HELQ: variants seen among roughly 807,000 people sequenced by gnomAD.
HELQ encodes the protein helicase POLQ-like.
Under a neutral mutation model 111.6 loss-of-function variants are expected in HELQ, and 77 were observed. That is an observed-to-expected ratio of 0.69 (90% CI 0.57 to 0.83). The LOEUF is 0.83. Ranked by LOEUF, HELQ falls within the 40% of genes least tolerant of loss-of-function variation. The probability of loss-of-function intolerance (pLI) is 0.00; values close to 1 mark genes in which losing one functional copy is unlikely to be tolerated. For missense variants in HELQ, 1,200 were observed against 1,288.5 expected, an observed-to-expected ratio of 0.93 and a Z score of 1.05; for synonymous variants, 438 against 454.7, an observed-to-expected ratio of 0.96 and a Z score of 0.47.
chr4:83,423,763 T>G (rs114628506), intron 14 of HELQ, among the ~76,000 whole-genome samples: 4,250 of 152,026 alleles, frequency 0.028, 190 homozygotes, highest in African/African-American at 0.097. Context: ...ATACAAAAAT[T>G]AGCTGTATAT....
At chr4:83,455,256 A>T in intron 1 of HELQ, 141 bp downstream of exon 1, 1 of 1,487,588 alleles carries the variant, frequency 6.7e-7, no homozygotes, top group Non-Finnish European at 9.0e-7. Context: ...GTAAATAACA[A>T]GGCAATCAAT....
At chr4:83,436,518 T>C (rs1169149729) in intron 9 of HELQ, among the ~76,000 whole-genome samples, 3 of 152,174 alleles carry the variant, frequency 2.0e-5, no homozygotes, top group African/African-American at 7.2e-5. Flanking sequence ...AGGAAATCTC[T>C]ATGTTAAATA....
chr4:83,446,397 C>G (rs1217233246), intron 4 of HELQ, among the ~76,000 whole-genome samples: 1 of 152,174 alleles, frequency 6.6e-6, no homozygotes, highest in Non-Finnish European at 1.5e-5. Flanking sequence ...ACCTCCACCT[C>G]CTGGGTTACA....
intron 17 of HELQ, among the ~76,000 whole-genome samples, chr4:83,411,157 CAAAAA>C (rs35424076): frequency 1.5e-5 from 1 of 67,144 alleles, no homozygotes. Context: ...GACCTTGTCT[CAAAAA>C]AAAAAAAAAA....
chr4:83,446,314 A>AT (rs35146359), intron 4 of HELQ, among the ~76,000 whole-genome samples: 1 of 151,270 alleles, frequency 6.6e-6, no homozygotes, highest in Non-Finnish European at 1.5e-5. Context: ...TACTAAAAAA[A>AT]TTTTTTTTTT....
chr4:83,425,605 A>G (rs1400375354), intron 14 of HELQ, among the ~76,000 whole-genome samples: 1 of 152,168 alleles, frequency 6.6e-6, no homozygotes, highest in Non-Finnish European at 1.5e-5. Context: ...GAGTTCTTTG[A>G]GGATGACAAA....
intron 2 of HELQ, among the ~76,000 whole-genome samples, chr4:83,450,513 A>T (rs939566690): frequency 6.6e-6 from 1 of 152,088 alleles, no homozygotes; most frequent in African/African-American, 2.4e-5. Flanking sequence ...TTCAATAAAT[A>T]TTGAAAAATA....
intron 9 of HELQ, among the ~76,000 whole-genome samples, chr4:83,436,614 T>C (rs1720473387): frequency 6.6e-6 from 1 of 152,128 alleles, no homozygotes; most frequent in South Asian, 2.1e-4. Flanking sequence ...CAAAACCAGA[T>C]ATAAAGAGCA....
chr4:83,433,574 G>A (rs1398767400), intron 9 of HELQ, among the ~76,000 whole-genome samples: 1 of 151,190 alleles, frequency 6.6e-6, no homozygotes, highest in African/African-American at 2.4e-5. Context: ...GCTGAGGCAG[G>A]AGACTGGTGT....
At chr4:83,443,408 T>C (rs966479312) in intron 6 of HELQ, 109 bp downstream of exon 6, 2 of 522,044 alleles carry the variant, frequency 3.8e-6, no homozygotes, top group East Asian at 3.1e-5. Context: ...GAGTAAAATA[T>C]GCCCCTTCAC....
intron 8 of HELQ, among the ~76,000 whole-genome samples, chr4:83,439,221 C>T (rs1397935143): frequency 6.6e-6 from 1 of 152,028 alleles, no homozygotes; most frequent in African/African-American, 2.4e-5. Flanking sequence ...GTGCACGCCA[C>T]CACACCCAGC....
chr4:83,416,994 CA>C (rs1739397131), intron 16 of HELQ, 129 bp from the exon 17 acceptor site: 4 of 797,478 alleles, frequency 5.0e-6, no homozygotes, highest in Non-Finnish European at 7.7e-6. Context: ...TATGAAGAGA[CA>C]AGACATGAGA....
chr4:83,453,885 T>C lies in HELQ; in HGVS notation c.358A>G (p.Ile120Val). 1.2e-6 allele frequency: 2 copies of C among 1,614,002 alleles called. No individual in the cohort carries two copies. Among genetic ancestry groups the C allele is most frequent in the African/African-American group, 2.7e-5 (2 of 75,036 alleles). Residue 120 changes from isoleucine to valine, a missense_variant, in exon 2 of 18, where the codon ATA becomes GTA. Ile to Val is a conservative substitution (Grantham distance 29). Coordinates refer to ENST00000295488, the MANE Select transcript of HELQ (RefSeq NM_133636.5). ...DYDSFTENSF[I>V]AQVDDLEQKY... The stretch of plus-strand genomic sequence containing the variant: ...TGTTCCAGGTCGTCAACTTGAGCTA[T>C]AAAGGAGTTTTCAGTAAAGCTATCA...
At chr4:83,434,267 A>G (rs1319008094) in intron 9 of HELQ, among the ~76,000 whole-genome samples, 1 of 151,922 alleles carries the variant, frequency 6.6e-6, no homozygotes, top group African/African-American at 2.4e-5. Context: ...GCTACTTGGG[A>G]GGCTGAGGCA....
chr4:83,421,551 C>T lies in HELQ; in HGVS notation c.2949+12G>A, dbSNP rs1188870508. The T allele has an allele frequency of 1.9e-6, 3 of 1,603,200 alleles. No individual in the cohort carries two copies. Among genetic ancestry groups the T allele is most frequent in the Non-Finnish European group, 2.6e-6 (3 of 1,172,230 alleles). ...ATGCACAAAGTACATATCATATATT[C>T]AATGAAATTACCTCACAGAAATGTA... On this transcript the variant is annotated intron_variant, in intron 15 of 17. Coordinates refer to ENST00000295488, the MANE Select transcript of HELQ (RefSeq NM_133636.5).
At chr4:83,449,584 A>G (rs529196920) in intron 2 of HELQ, among the ~76,000 whole-genome samples, 2 of 152,372 alleles carry the variant, frequency 1.3e-5, no homozygotes, top group South Asian at 4.1e-4. Flanking sequence ...ATTCATGAAA[A>G]TAGATCAGAT....
chr4:83,434,038 T>C (rs916188002), intron 9 of HELQ, among the ~76,000 whole-genome samples: 1 of 151,388 alleles, frequency 6.6e-6, no homozygotes, highest in African/African-American at 2.4e-5. Context: ...AGAGAGTTCT[T>C]AGAAATAAAA....
rs139830298 is a variant in HELQ at position 83,416,661 on chromosome 4, T to C, written c.3198+70A>G. The C allele has an allele frequency of 8.9e-6, 13 of 1,455,216 alleles. No individual in the cohort carries two copies. In the Admixed American group the frequency reaches 2.2e-4, roughly 25 times the overall value. 90.1% of individuals were successfully genotyped at this position (1,455,216 alleles called of 1,614,324 possible). A position where few individuals can be genotyped will look rare whatever the true frequency, so the allele number is the denominator to read the frequency against. On this transcript the variant is annotated intron_variant, in intron 17 of 17. Coordinates refer to ENST00000295488, the MANE Select transcript of HELQ (RefSeq NM_133636.5). Reference sequence around the variant, plus strand: ...TATGCAATGTGAAATGTTTTTGTTCTGATGTCTATAATACAAGGAAATAAC... The same window carrying C: ...TATGCAATGTGAAATGTTTTTGTTCCGATGTCTATAATACAAGGAAATAAC...
At chr4:83,410,727 C>T (rs182167597) in intron 17 of HELQ, among the ~76,000 whole-genome samples, 1 of 152,214 alleles carries the variant, frequency 6.6e-6, no homozygotes, top group East Asian at 1.9e-4. Flanking sequence ...TCACTTATAA[C>T]TAATAGAATG....
Sources: gnomAD v4.1 joint callset for allele counts (sites outside exome capture counted in the v4.1 genomes callset) on GRCh38, gnomAD v4.1.1 for gene constraint, MANE v1.5 for transcripts, NCBI Gene and HGNC (gene_info 2026-07-23, HGNC 2026-07-21) for gene names.